Variants in PSD3 observed in about 807,000 individuals in gnomAD.
PSD3 encodes pleckstrin and Sec7 domain containing 3.
In PSD3, 49 loss-of-function variants were observed where a neutral mutation model predicts 105.5. The observed-to-expected ratio is 0.46, with a 90% confidence interval of 0.37 to 0.59. The LOEUF is 0.59. Among genes scored for constraint, PSD3 ranks in the 20% least tolerant of loss-of-function variants. The pLI, the probability that PSD3 is intolerant of heterozygous loss-of-function variation, is 0.00. For missense variants in PSD3, 1,561 were observed against 1,263.8 expected, an observed-to-expected ratio of 1.24 and a Z score of -3.57; for synonymous variants, 557 against 457.8, an observed-to-expected ratio of 1.22 and a Z score of -2.77.
chr8:18,789,114 A>G (rs1357302995), intron 8 of PSD3, among the ~76,000 whole-genome samples: 2 of 152,218 alleles, frequency 1.3e-5, no homozygotes, highest in African/African-American at 2.4e-5. Flanking sequence ...AAGGAATCAG[A>G]GTGGTAAAAA....
intron 4 of PSD3, among the ~76,000 whole-genome samples, chr8:18,831,629 G>T (rs1813689926): frequency 6.6e-6 from 1 of 152,184 alleles, no homozygotes; most frequent in Admixed American, 6.5e-5. Flanking sequence ...GGCTGAGGAA[G>T]GAGAATTGCT....
At chr8:18,727,899 T>C (rs1803452692) in intron 9 of PSD3, among the ~76,000 whole-genome samples, 1 of 152,198 alleles carries the variant, frequency 6.6e-6, no homozygotes, top group African/African-American at 2.4e-5. Context: ...ACTAAGCTAC[T>C]TTCTAGACTT....
chr8:18,677,647 G>A (rs1290576982), intron 9 of PSD3, among the ~76,000 whole-genome samples: 19 of 152,164 alleles, frequency 1.2e-4, no homozygotes, highest in Non-Finnish European at 2.8e-4. Context: ...ATGATAATCT[G>A]TAGAACTACG....
At chr8:18,933,765 G>A (rs144379415) in intron 2 of PSD3, among the ~76,000 whole-genome samples, 362 of 152,238 alleles carry the variant, frequency 2.4e-3, no homozygotes, top group African/African-American at 4.4e-3. Flanking sequence ...ACTACGCCAG[G>A]CCAATGCCAA....
intron 9 of PSD3, among the ~76,000 whole-genome samples, chr8:18,752,490 A>G (rs1195796673): frequency 1.2e-4 from 2 of 16,340 alleles, no homozygotes; most frequent in South Asian, 1.8e-3. Context: ...TATTATATAT[A>G]TAATATATAT....
chr8:18,893,680 T>C (rs1021685576), intron 2 of PSD3, among the ~76,000 whole-genome samples: 4 of 151,452 alleles, frequency 2.6e-5, no homozygotes, highest in African/African-American at 9.7e-5. Flanking sequence ...ATCCATGTGC[T>C]AGAGGGCAGG....
chr8:18,635,993 G>A (rs910588967), intron 10 of PSD3, among the ~76,000 whole-genome samples: 1 of 152,050 alleles, frequency 6.6e-6, no homozygotes, highest in African/African-American at 2.4e-5. Context: ...AACCACTGTG[G>A]CACATGTATA....
chr8:18,886,102 C>T (rs1341634862), intron 2 of PSD3, among the ~76,000 whole-genome samples: 1 of 152,014 alleles, frequency 6.6e-6, no homozygotes, highest in East Asian at 1.9e-4. Flanking sequence ...GGAGGGGTAG[C>T]CTGTTTTCTC....
At position 18,962,947 on chromosome 8, in the gene PSD3, T is replaced by C. The variant is rs185667327; in HGVS notation, c.22-26805A>G. 3.9e-5 allele frequency among the ~76,000 whole-genome samples: 6 copies of C among 152,284 alleles called. No individual in the cohort carries two copies. The East Asian group carries it at 9.7e-4, about 24-fold the overall frequency. On this transcript the variant is annotated intron_variant, in intron 1 of 15. Coordinates refer to ENST00000327040, the MANE Select transcript of PSD3 (RefSeq NM_015310.4). ...AAGAGTTCTTTCAGCCTACACAACA[T>C]ATGTATTAGTCCGTTTTCACGCTGC...
intron 9 of PSD3, among the ~76,000 whole-genome samples, chr8:18,724,768 T>C (rs1300767389): frequency 6.6e-6 from 1 of 151,998 alleles, no homozygotes; most frequent in African/African-American, 2.4e-5. Flanking sequence ...AATAAGCTTA[T>C]TAATAAATGG....
At chr8:18,588,078 G>C (rs1237291992) in intron 12 of PSD3, among the ~76,000 whole-genome samples, 2 of 152,076 alleles carry the variant, frequency 1.3e-5, no homozygotes, top group Non-Finnish European at 2.9e-5. Context: ...TACTACTCCT[G>C]TTTCTGCTGG....
At chr8:18,935,702 A>T (rs1032820745) in intron 2 of PSD3, among the ~76,000 whole-genome samples, 1 of 151,008 alleles carries the variant, frequency 6.6e-6, no homozygotes, top group Non-Finnish European at 1.5e-5. Flanking sequence ...TCTCAAAAAA[A>T]AAAAAACCAC....
intron 12 of PSD3, among the ~76,000 whole-genome samples, chr8:18,589,863 C>T (rs17695081): frequency 0.037 from 5,573 of 152,262 alleles, 165 homozygotes; most frequent in East Asian, 0.11. Context: ...AGAAATCTGT[C>T]CACAAGTAAG....
chr8:18,895,021 C>T (rs532801850), intron 2 of PSD3, among the ~76,000 whole-genome samples: 156 of 152,336 alleles, frequency 1.0e-3, no homozygotes, highest in African/African-American at 3.6e-3. Context: ...TACATATCTA[C>T]ATTATCTCAG....
chr8:18,992,075 G>C (rs1230945020), intron 1 of PSD3, among the ~76,000 whole-genome samples: 2 of 152,064 alleles, frequency 1.3e-5, no homozygotes, highest in Non-Finnish European at 2.9e-5. Context: ...ATTCATAATG[G>C]TTTCCAAACC....
chr8:18,644,634 G>A (rs1356947120), intron 10 of PSD3, among the ~76,000 whole-genome samples: 3 of 152,220 alleles, frequency 2.0e-5, no homozygotes, highest in East Asian at 3.9e-4. Context: ...CTTCTCCTGA[G>A]CCCTCACCCA....
chr8:18,649,873 C>A (rs1343069659), intron 10 of PSD3, among the ~76,000 whole-genome samples: 1 of 152,212 alleles, frequency 6.6e-6, no homozygotes, highest in Non-Finnish European at 1.5e-5. Flanking sequence ...GAAGTGCTGA[C>A]TCCCTCTTTG....
intron 15 of PSD3, among the ~76,000 whole-genome samples, chr8:18,539,752 T>C (rs2129952969): frequency 6.6e-6 from 1 of 152,080 alleles, no homozygotes. Context: ...TTCACCATGT[T>C]GGCCAGGATG....
intron 4 of PSD3, among the ~76,000 whole-genome samples, chr8:18,827,703 G>T (rs564953132): frequency 5.4e-4 from 82 of 152,066 alleles, no homozygotes; most frequent in African/African-American, 1.9e-3. Flanking sequence ...CAGATGAGAA[G>T]GATTCCATGT....
Sources: gnomAD v4.1 joint callset for allele counts (sites outside exome capture counted in the v4.1 genomes callset) on GRCh38, gnomAD v4.1.1 for gene constraint, MANE v1.5 for transcripts, NCBI Gene and HGNC (gene_info 2026-07-23, HGNC 2026-07-21) for gene names.